Variants in EFNA5 observed in about 807,000 individuals in gnomAD.
EFNA5 encodes ephrin-A5.
In EFNA5, 5 loss-of-function variants were observed where a neutral mutation model predicts 22.9. That is an observed-to-expected ratio of 0.22 (90% CI 0.11 to 0.46). EFNA5 has a LOEUF of 0.46. EFNA5 is among the 20% of genes least tolerant of loss of function. The pLI is 0.99. For missense variants in EFNA5, 237 were observed against 293.3 expected (o/e 0.81, Z 1.40); for synonymous variants, 113 against 112.2 (o/e 1.01, Z -0.04).
intron 1 of EFNA5, among the ~76,000 whole-genome samples, chr5:107,470,958 T>G (rs1424169500): frequency 6.6e-6 from 1 of 152,210 alleles, no homozygotes; most frequent in Non-Finnish European, 1.5e-5. Flanking sequence ...TAAGTTCTGA[T>G]GATTTCTTTC....
rs188151039 is a variant in EFNA5 at position 107,387,844 on chromosome 5, C to A, written c.419-73G>T. The stretch of plus-strand genomic sequence containing the variant: ...ACATATTACTCTTCATTTTCACATA[C>A]AAATGATGAACAATAAATTCTTTCC... On this transcript the variant is annotated intron_variant, in intron 2 of 4. Coordinates refer to ENST00000333274, the MANE Select transcript of EFNA5 (RefSeq NM_001962.3). The A allele has an allele frequency of 1.5e-5, 15 of 1,034,238 alleles. 1 individual carries two copies. In the East Asian group the frequency reaches 3.6e-4, roughly 25 times the overall value. The allele number at this position is 1,034,238 out of a possible 1,614,324, so 64.1% of individuals were successfully genotyped here. A position where few individuals can be genotyped will look rare whatever the true frequency, so the allele number is the denominator to read the frequency against.
intron 1 of EFNA5, among the ~76,000 whole-genome samples, chr5:107,484,413 T>C (rs1266294187): frequency 6.6e-6 from 1 of 152,144 alleles, no homozygotes; most frequent in African/African-American, 2.4e-5. Flanking sequence ...CAAATAACTT[T>C]GAGGATCTGA....
chr5:107,466,962 C>A (rs928141972), intron 1 of EFNA5, among the ~76,000 whole-genome samples: 13 of 151,992 alleles, frequency 8.6e-5, no homozygotes, highest in African/African-American at 2.9e-4. Flanking sequence ...TTCTTTTATT[C>A]TTCCACAGCT....
intron 1 of EFNA5, among the ~76,000 whole-genome samples, chr5:107,530,819 T>C (rs1005026718): frequency 6.6e-6 from 1 of 152,172 alleles, no homozygotes; most frequent in African/African-American, 2.4e-5. Context: ...TAATGGGTGA[T>C]ACTGTTTCAT....
intron 1 of EFNA5, among the ~76,000 whole-genome samples, chr5:107,524,990 C>T (rs1401732635): frequency 6.6e-6 from 1 of 152,150 alleles, no homozygotes; most frequent in African/African-American, 2.4e-5. Flanking sequence ...CATACACAAA[C>T]TGCACTTCTG....
At chr5:107,442,023 C>T (rs1270315935) in intron 1 of EFNA5, among the ~76,000 whole-genome samples, 1 of 152,156 alleles carries the variant, frequency 6.6e-6, no homozygotes, top group African/African-American at 2.4e-5. Flanking sequence ...AAAATCCTAA[C>T]TCACCACTCC....
At chr5:107,440,996 T>A (rs572138909) in intron 1 of EFNA5, among the ~76,000 whole-genome samples, 1 of 151,160 alleles carries the variant, frequency 6.6e-6, no homozygotes, top group African/African-American at 2.4e-5. Context: ...CCATTTTGCA[T>A]GCTAAAAAAA....
chr5:107,569,075 T>A (rs898497617), intron 1 of EFNA5, among the ~76,000 whole-genome samples: 3 of 152,132 alleles, frequency 2.0e-5, no homozygotes, highest in African/African-American at 7.2e-5. Flanking sequence ...ATACGCATAG[T>A]TAAATCTATA....
chr5:107,529,496 G>A (rs1747765904), intron 1 of EFNA5, among the ~76,000 whole-genome samples: 1 of 152,126 alleles, frequency 6.6e-6, no homozygotes, highest in Non-Finnish European at 1.5e-5. Flanking sequence ...GGACACTCCA[G>A]GCAGCACAAT....
At chr5:107,460,817 G>A (rs1749817920) in intron 1 of EFNA5, among the ~76,000 whole-genome samples, 1 of 152,166 alleles carries the variant, frequency 6.6e-6, no homozygotes, top group Non-Finnish European at 1.5e-5. Context: ...GGGCATCTAT[G>A]ACTGCTAGAG....
chr5:107,647,259 T>TA (rs1370400560), intron 1 of EFNA5, among the ~76,000 whole-genome samples: 4 of 152,152 alleles, frequency 2.6e-5, no homozygotes, highest in Non-Finnish European at 5.9e-5. Context: ...CTTCTTGGTG[T>TA]AAATATGTAG....
chr5:107,506,477 T>C (rs989294144), intron 1 of EFNA5, among the ~76,000 whole-genome samples: 1 of 152,312 alleles, frequency 6.6e-6, no homozygotes, highest in Middle Eastern at 3.4e-3. Flanking sequence ...GGGGTGAAGA[T>C]AGGGCTCAAA....
chr5:107,470,254 G>A (rs182528181), intron 1 of EFNA5, among the ~76,000 whole-genome samples: 159 of 152,290 alleles, frequency 1.0e-3, no homozygotes, highest in African/African-American at 3.6e-3. Context: ...ACACTAACTT[G>A]CTGCTTCTGG....
intron 1 of EFNA5, among the ~76,000 whole-genome samples, chr5:107,537,970 C>T (rs1347343613): frequency 4.6e-5 from 7 of 152,214 alleles, no homozygotes; most frequent in Admixed American, 3.3e-4. Context: ...AGCTGTCCTC[C>T]AGGGCTGAAG....
At position 107,583,302 on chromosome 5, in the gene EFNA5, T is replaced by G. The variant is rs1219065959; in HGVS notation, c.125+87187A>C. Among the ~76,000 whole-genome samples, 11 of 152,274 alleles carry G rather than the reference T, an allele frequency of 7.2e-5. No individual in the cohort carries two copies. The South Asian group carries it at 2.3e-3, about 32-fold the overall frequency. On this transcript the variant is annotated intron_variant, in intron 1 of 4. Transcript: ENST00000333274. ...AAATTTAAAACAACTCAAAGTGAAG[T>G]AGGAATAATTTATTCAACAAAATAT...
chr5:107,632,151 G>A (rs557761424), intron 1 of EFNA5, among the ~76,000 whole-genome samples: 4 of 151,944 alleles, frequency 2.6e-5, no homozygotes, highest in East Asian at 1.9e-4. Context: ...CCTCTCTCCC[G>A]TCTCCTTTCC....
chr5:107,513,572 T>C (rs1747418164), intron 1 of EFNA5, among the ~76,000 whole-genome samples: 1 of 152,132 alleles, frequency 6.6e-6, no homozygotes, highest in Admixed American at 6.5e-5. Flanking sequence ...GCAGAAAACA[T>C]GGTATTCTAA....
intron 1 of EFNA5, among the ~76,000 whole-genome samples, chr5:107,553,418 G>C (rs1748341424): frequency 6.6e-6 from 1 of 152,206 alleles, no homozygotes; most frequent in African/African-American, 2.4e-5. Context: ...TTCAAAGCTT[G>C]GTGAGAGTAA....
intron 1 of EFNA5, among the ~76,000 whole-genome samples, chr5:107,460,352 T>C (rs867220365): frequency 9.9e-5 from 15 of 152,282 alleles, no homozygotes; most frequent in Admixed American, 2.6e-4. Context: ...CTCCATGTCT[T>C]CTATTATTGC....
Sources: allele counts gnomAD v4.1 joint callset (sites outside exome capture counted in the v4.1 genomes callset), GRCh38; gene constraint gnomAD v4.1.1; transcripts MANE v1.5; gene names NCBI Gene and HGNC (gene_info 2026-07-23, HGNC 2026-07-21).